The following SH3PXD2A variants were observed in gnomAD, a reference collection of about 807,000 sequenced individuals.
SH3PXD2A encodes the protein SH3 and PX domain-containing protein 2A.
Under a neutral mutation model 115.2 loss-of-function variants are expected in SH3PXD2A, and 32 were observed. The ratio of observed to expected loss-of-function variants is 0.28; its 90% CI spans 0.21 to 0.37. The LOEUF (loss-of-function observed/expected upper bound fraction) is 0.37, where lower values mean the gene tolerates loss of function less well. Ranked by LOEUF, SH3PXD2A falls within the 10% of genes least tolerant of loss-of-function variation. The pLI is 1.00. For missense variants in SH3PXD2A, 1,328 were observed against 1,498.7 expected, an observed-to-expected ratio of 0.89 and a Z score of 1.88; for synonymous variants, 610 against 629.1, an observed-to-expected ratio of 0.97 and a Z score of 0.45.
At chr10:103,752,940 A>G (rs887271631) in intron 3 of SH3PXD2A, among the ~76,000 whole-genome samples, 16 of 152,218 alleles carry the variant, frequency 1.1e-4, no homozygotes, top group Admixed American at 5.2e-4. Flanking sequence ...GGTGACTGAG[A>G]AAATAATGTA....
intron 8 of SH3PXD2A, among the ~76,000 whole-genome samples, chr10:103,630,473 G>A (rs1225766983): frequency 6.6e-6 from 1 of 152,162 alleles, no homozygotes; most frequent in Non-Finnish European, 1.5e-5. Context: ...CACTGTTGAT[G>A]GTTCCAAGCA....
At chr10:103,795,953 A>C (rs1383011812) in intron 2 of SH3PXD2A, among the ~76,000 whole-genome samples, 1 of 151,758 alleles carries the variant, frequency 6.6e-6, no homozygotes. Flanking sequence ...GAAGGAAGGA[A>C]GGAAACCAGA....
intron 1 of SH3PXD2A, among the ~76,000 whole-genome samples, chr10:103,840,784 T>C (rs191219102): frequency 6.6e-6 from 1 of 152,332 alleles, no homozygotes; most frequent in African/African-American, 2.4e-5. Context: ...AAGGATTAAA[T>C]GAGTGATGTG....
chr10:103,602,217 C>T lies in SH3PXD2A; in HGVS notation c.3001G>A (p.Glu1001Lys), dbSNP rs781615764. The T allele has an allele frequency of 6.3e-7, 1 of 1,593,210 alleles. No homozygotes were observed. Among genetic ancestry groups the T allele is most frequent in the African/African-American group, 1.3e-5 (1 of 74,540 alleles). Residue 1001 changes from glutamate to lysine, a missense_variant, in exon 15 of 15, where the codon GAG (glutamate) becomes AAG (lysine). By Grantham distance (56) the Glu-to-Lys change is moderately conservative. Coordinates refer to ENST00000369774, the MANE Select transcript of SH3PXD2A (RefSeq NM_001394015.1). ...AGGCCATCAGTGGCCGTGAGTGACT[C>T]ATTCCTCCGCAGGGCGCAGGACAGG... ...NNLSCALRRN[E>K]SLTATDGLRG...
chr10:103,625,062 C>T (rs1036851610), intron 9 of SH3PXD2A, among the ~76,000 whole-genome samples: 1 of 152,220 alleles, frequency 6.6e-6, no homozygotes, highest in Admixed American at 6.5e-5. Context: ...CCCACACCGC[C>T]TCTGAACGCA....
At chr10:103,638,996 A>T (rs1372810582) in intron 8 of SH3PXD2A, among the ~76,000 whole-genome samples, 1 of 152,144 alleles carries the variant, frequency 6.6e-6, no homozygotes, top group Non-Finnish European at 1.5e-5. Flanking sequence ...GGTCGGAGAC[A>T]GGTTGAGGTG....
intron 13 of SH3PXD2A, among the ~76,000 whole-genome samples, chr10:103,611,125 C>T (rs1191132166): frequency 2.0e-5 from 3 of 152,210 alleles, no homozygotes; most frequent in Non-Finnish European, 4.4e-5. Flanking sequence ...TTGCAACTCA[C>T]ACTCCTCCCT....
chr10:103,711,891 C>T (rs1412932896), intron 5 of SH3PXD2A, among the ~76,000 whole-genome samples: 1 of 151,892 alleles, frequency 6.6e-6, no homozygotes, highest in Non-Finnish European at 1.5e-5. Flanking sequence ...CCCGTCTCTA[C>T]AAAAAATAAA....
chr10:103,671,577 C>G (rs996728637), intron 6 of SH3PXD2A, among the ~76,000 whole-genome samples: 1 of 152,254 alleles, frequency 6.6e-6, no homozygotes, highest in African/African-American at 2.4e-5. Flanking sequence ...AGTCCCTCCC[C>G]CTTCTCTCTA....
At chr10:103,721,475 G>A (rs531148734) in intron 5 of SH3PXD2A, among the ~76,000 whole-genome samples, 6 of 152,222 alleles carry the variant, frequency 3.9e-5, no homozygotes, top group Admixed American at 6.5e-5. Context: ...TTAATGCCAT[G>A]AATGAAGTGA....
At chr10:103,762,633 G>A (rs563824639) in intron 3 of SH3PXD2A, among the ~76,000 whole-genome samples, 7 of 152,250 alleles carry the variant, frequency 4.6e-5, no homozygotes, top group African/African-American at 1.4e-4. Context: ...CCAGTCCCAC[G>A]TGGGTCCATA....
In SH3PXD2A at chr10:103,602,177, C is replaced by T. The variant is rs766002032; in HGVS notation, c.3041G>A (p.Arg1014Gln). The change falls in exon 15 of 15, where the codon CGG becomes CAG. Residue 1014 changes from arginine to glutamine, a missense_variant. Around this residue, in one of 5 missense-constraint regions of SH3PXD2A, gnomAD observed 574 missense variants for 565.7 expected, o/e 1.01. Transcript: ENST00000369774. Reference protein sequence around the residue: ...TATDGLRGVRRNSSFSTARSA... With the variant: ...TATDGLRGVRQNSSFSTARSA... Reference sequence around the variant, plus strand: ...GCGAGCAGTGCTAAAGGAGGAGTTCCGTCGGACGCCTCGGAGGCCATCAGT... The same window carrying T: ...GCGAGCAGTGCTAAAGGAGGAGTTCTGTCGGACGCCTCGGAGGCCATCAGT... The T allele has an allele frequency of 2.3e-5, 37 of 1,574,708 alleles. No individual in the cohort carries two copies. In the Admixed American group the frequency reaches 4.1e-4, roughly 17 times the overall value.
chr10:103,785,054 C>T (rs559805342), intron 2 of SH3PXD2A, among the ~76,000 whole-genome samples: 2 of 152,306 alleles, frequency 1.3e-5, no homozygotes, highest in South Asian at 4.1e-4. Context: ...CCCAACCCTT[C>T]CTTCCAGTTG....
At chr10:103,752,221 C>T (rs932237185) in intron 3 of SH3PXD2A, among the ~76,000 whole-genome samples, 8 of 152,174 alleles carry the variant, frequency 5.3e-5, no homozygotes, top group African/African-American at 1.7e-4. Context: ...CAAGGCTTGC[C>T]TTATACAGAG....
At chr10:103,741,294 T>C (rs1422285587) in intron 3 of SH3PXD2A, among the ~76,000 whole-genome samples, 3 of 152,212 alleles carry the variant, frequency 2.0e-5, no homozygotes, top group Non-Finnish European at 4.4e-5. Flanking sequence ...TTTGGTTTTA[T>C]TCTAAGTGCC....
chr10:103,829,021 C>A (rs1344762222), intron 1 of SH3PXD2A, among the ~76,000 whole-genome samples: 1 of 152,180 alleles, frequency 6.6e-6, no homozygotes, highest in Non-Finnish European at 1.5e-5. Context: ...GAAGTCTCCA[C>A]CACATCTTTT....
At chr10:103,703,260 C>T (rs1294478575) in intron 5 of SH3PXD2A, among the ~76,000 whole-genome samples, 1 of 152,222 alleles carries the variant, frequency 6.6e-6, no homozygotes, top group African/African-American at 2.4e-5. Flanking sequence ...GGAACCTGAA[C>T]CTCCCAGACT....
chr10:103,635,351 C>T (rs1176937275), intron 8 of SH3PXD2A, among the ~76,000 whole-genome samples: 5 of 152,152 alleles, frequency 3.3e-5, no homozygotes, highest in African/African-American at 1.2e-4. Flanking sequence ...GGGGACCCTC[C>T]CAAGGGGCCT....
intron 1 of SH3PXD2A, among the ~76,000 whole-genome samples, chr10:103,809,398 G>A (rs1402587608): frequency 6.6e-6 from 1 of 152,166 alleles, no homozygotes; most frequent in Non-Finnish European, 1.5e-5. Context: ...GGAGTTGGAG[G>A]GGGTATAATG....
Sources: allele counts gnomAD v4.1 joint callset (sites outside exome capture counted in the v4.1 genomes callset), GRCh38; gene constraint gnomAD v4.1.1; regional missense constraint gnomAD v4.1.1; transcripts MANE v1.5; gene names NCBI Gene and HGNC (gene_info 2026-07-23, HGNC 2026-07-21).